The following CLSTN2 variants were observed in gnomAD, a reference collection of about 807,000 sequenced individuals.
CLSTN2 encodes the protein calsyntenin 2.
A neutral mutation model predicts 101.2 loss-of-function variants in CLSTN2; 48 were observed. The ratio of observed to expected loss-of-function variants is 0.47; its 90% CI spans 0.38 to 0.60. CLSTN2 has a LOEUF of 0.60. CLSTN2 is among the 20% of genes least tolerant of loss of function. CLSTN2 has a pLI of 0.00. For synonymous variants in CLSTN2, 481 were observed against 463.6 expected (o/e 1.04, Z -0.48); for missense variants, 1,160 against 1,238.2 (o/e 0.94, Z 0.95).
chr3:140,541,962 T>G (rs2107784587), intron 9 of CLSTN2, among the ~76,000 whole-genome samples: 2 of 152,172 alleles, frequency 1.3e-5, no homozygotes, highest in East Asian at 3.9e-4. Context: ...GACAATGAGC[T>G]AGAAGCCAGG....
intron 2 of CLSTN2, among the ~76,000 whole-genome samples, chr3:140,264,379 T>TATAC (rs2086677542): frequency 2.1e-4 from 1 of 4,720 alleles, no homozygotes; most frequent in Non-Finnish European, 4.8e-4. Flanking sequence ...GAATCAAATA[T>TATAC]ATATATATAT....
At chr3:139,962,251 A>G (rs1935523356) in intron 1 of CLSTN2, among the ~76,000 whole-genome samples, 1 of 152,192 alleles carries the variant, frequency 6.6e-6, no homozygotes, top group African/African-American at 2.4e-5. Flanking sequence ...GTTGCAAAAC[A>G]TTCTTTACTG....
At chr3:140,396,341 G>C (rs770424934) in intron 2 of CLSTN2, among the ~76,000 whole-genome samples, 4 of 152,146 alleles carry the variant, frequency 2.6e-5, no homozygotes, top group Non-Finnish European at 4.4e-5. Context: ...CAGATTGTTT[G>C]AATGTCACAC....
intron 2 of CLSTN2, among the ~76,000 whole-genome samples, chr3:140,310,495 T>C (rs1293493799): frequency 6.6e-6 from 1 of 152,156 alleles, no homozygotes; most frequent in Non-Finnish European, 1.5e-5. Context: ...TCAGTAATGG[T>C]GACCTCTGTG....
At chr3:140,105,642 G>C (rs538848253) in intron 1 of CLSTN2, among the ~76,000 whole-genome samples, 2 of 152,188 alleles carry the variant, frequency 1.3e-5, no homozygotes, top group African/African-American at 4.8e-5. Context: ...CTTATTACTG[G>C]GGAGTGTGAG....
intron 1 of CLSTN2, among the ~76,000 whole-genome samples, chr3:140,010,227 C>A (rs1282029082): frequency 6.6e-6 from 1 of 152,104 alleles, no homozygotes; most frequent in East Asian, 1.9e-4. Context: ...TCATTTCTAT[C>A]TTTTGGGAGA....
At chr3:140,427,635 A>C (rs1357181746) in intron 5 of CLSTN2, among the ~76,000 whole-genome samples, 1 of 152,080 alleles carries the variant, frequency 6.6e-6, no homozygotes, top group Non-Finnish European at 1.5e-5. Flanking sequence ...GAGTCAAAAG[A>C]AGGCTACAGA....
chr3:140,402,199 T>C (rs1187328504), intron 2 of CLSTN2, among the ~76,000 whole-genome samples: 1 of 152,234 alleles, frequency 6.6e-6, no homozygotes, highest in Non-Finnish European at 1.5e-5. Context: ...AATCAGAGGA[T>C]TTCTTTCCTG....
intron 1 of CLSTN2, among the ~76,000 whole-genome samples, chr3:140,146,499 C>G (rs2009782644): frequency 6.6e-6 from 1 of 152,196 alleles, no homozygotes; most frequent in African/African-American, 2.4e-5. Context: ...ATGGGAAGTC[C>G]TTCTGTCCTC....
At chr3:140,420,831 A>G (rs2107990987) in intron 4 of CLSTN2, among the ~76,000 whole-genome samples, 1 of 152,340 alleles carries the variant, frequency 6.6e-6, no homozygotes, top group Non-Finnish European at 1.5e-5. Context: ...GTCTTCTGGC[A>G]GCCCATTACT....
intron 1 of CLSTN2, among the ~76,000 whole-genome samples, chr3:140,153,766 A>T (rs894213274): frequency 3.9e-5 from 6 of 152,134 alleles, no homozygotes; most frequent in Admixed American, 3.9e-4. Flanking sequence ...CCTTGGGGTA[A>T]TGGGAAGAGG....
chr3:140,153,398 G>C (rs988464806), intron 1 of CLSTN2, among the ~76,000 whole-genome samples: 3 of 152,266 alleles, frequency 2.0e-5, no homozygotes, highest in African/African-American at 7.2e-5. Flanking sequence ...TTTGGCGGGA[G>C]CTGTGGCTTG....
chr3:140,191,988 A>G (rs2010571682), intron 2 of CLSTN2, among the ~76,000 whole-genome samples: 1 of 151,850 alleles, frequency 6.6e-6, no homozygotes. Flanking sequence ...TTTTCTTCTC[A>G]TCACTGCTTT....
In CLSTN2 at chr3:140,380,621, C is replaced by T. The variant is rs2087969714; in HGVS notation, c.233-23008C>T. Among the ~76,000 whole-genome samples the T allele has an allele frequency of 2.0e-5, 3 of 152,176 alleles. No homozygotes were observed. In the South Asian group the frequency reaches 6.2e-4, roughly 32 times the overall value. On this transcript the variant is annotated intron_variant, in intron 2 of 16. Coordinates refer to ENST00000458420, the MANE Select transcript of CLSTN2 (RefSeq NM_022131.3). ...ACTCCAAAACACCTTTCTTACTGAT[C>T]CTATTTCCTACAAAGTACCACCTTC...
intron 4 of CLSTN2, among the ~76,000 whole-genome samples, chr3:140,412,977 TACG>T (rs1250888701): frequency 2.6e-5 from 4 of 152,258 alleles, no homozygotes; most frequent in Admixed American, 1.3e-4. Context: ...CCTAATGTTA[TACG>T]TCAAGGAACT....
At chr3:140,008,871 A>G (rs909163294) in intron 1 of CLSTN2, among the ~76,000 whole-genome samples, 2 of 152,214 alleles carry the variant, frequency 1.3e-5, no homozygotes, top group South Asian at 4.1e-4. Flanking sequence ...TCAGAGAAAC[A>G]TGGATGATAC....
chr3:140,356,101 C>G (rs2087667555), intron 2 of CLSTN2, among the ~76,000 whole-genome samples: 1 of 152,194 alleles, frequency 6.6e-6, no homozygotes, highest in South Asian at 2.1e-4. Context: ...AGATTTGTCA[C>G]ACTGAGTTCT....
At chr3:140,210,613 C>A (rs1483122715) in intron 2 of CLSTN2, among the ~76,000 whole-genome samples, 2 of 152,196 alleles carry the variant, frequency 1.3e-5, no homozygotes, top group African/African-American at 4.8e-5. Context: ...AAGGAAACAT[C>A]AAGCTGCTTC....
chr3:140,012,741 C>A (rs569858356), intron 1 of CLSTN2, among the ~76,000 whole-genome samples: 12 of 152,284 alleles, frequency 7.9e-5, no homozygotes, highest in African/African-American at 2.6e-4. Context: ...AGAAGGTGAG[C>A]TAGAGCAAGT....
Sources: gnomAD v4.1 joint callset for allele counts (sites outside exome capture counted in the v4.1 genomes callset) on GRCh38, gnomAD v4.1.1 for gene constraint, MANE v1.5 for transcripts, NCBI Gene and HGNC (gene_info 2026-07-23, HGNC 2026-07-21) for gene names.